Variants in ITGA6 observed in about 807,000 individuals in gnomAD.
The protein encoded by ITGA6 is integrin subunit alpha 6, also known as integrin alpha-6.
ITGA6 carries 63 observed loss-of-function variants against 133.6 expected under a neutral mutation model. The observed-to-expected ratio is 0.47, with a 90% CI of 0.38 to 0.58. The LOEUF is 0.58. Among genes scored for constraint, ITGA6 ranks in the 20% least tolerant of loss-of-function variants. The pLI is 0.00. For missense variants in ITGA6, 1,068 were observed against 1,309.4 expected (o/e 0.82, Z 2.85); for synonymous variants, 434 against 482.0 (o/e 0.90, Z 1.30).
intron 4 of ITGA6, among the ~76,000 whole-genome samples, chr2:172,469,630 G>C (rs1685833021): frequency 6.6e-6 from 1 of 152,060 alleles, no homozygotes; most frequent in African/African-American, 2.4e-5. Flanking sequence ...TTTTTAGCAG[G>C]AATATAATAA....
At chr2:172,463,044 C>A (rs1198439315) in intron 1 of ITGA6, among the ~76,000 whole-genome samples, 1 of 152,208 alleles carries the variant, frequency 6.6e-6, no homozygotes, top group Admixed American at 6.5e-5. Context: ...TCTGTACCAT[C>A]CTCTCATTGC....
intron 9 of ITGA6, among the ~76,000 whole-genome samples, chr2:172,476,777 A>T (rs1686193177): frequency 6.6e-6 from 1 of 152,220 alleles, no homozygotes. Context: ...TGATGAAAAA[A>T]ACAAAACACA....
chr2:172,498,207 C>G, intron 24 of ITGA6, 107 bp downstream of exon 24: 1 of 1,164,442 alleles, frequency 8.6e-7, no homozygotes, highest in Non-Finnish European at 1.3e-6. Context: ...TTCCTTTTTT[C>G]TAACATTATG....
chr2:172,499,703 A>C (rs182842334), intron 24 of ITGA6, among the ~76,000 whole-genome samples: 1 of 152,094 alleles, frequency 6.6e-6, no homozygotes, highest in Non-Finnish European at 1.5e-5. Context: ...TTGGGGTTTG[A>C]TATTTGAGGA....
chr2:172,457,755 C>CT (rs1685270645), intron 1 of ITGA6, among the ~76,000 whole-genome samples: 1 of 152,104 alleles, frequency 6.6e-6, no homozygotes, highest in Admixed American at 6.5e-5. Context: ...CCCCTTCAAA[C>CT]TGGGGGGGAA....
intron 1 of ITGA6, among the ~76,000 whole-genome samples, chr2:172,445,727 C>T (rs549894625): frequency 3.9e-5 from 6 of 152,008 alleles, no homozygotes; most frequent in Non-Finnish European, 7.4e-5. Context: ...TTTGTCTTCC[C>T]GGCCTCTAAA....
chr2:172,435,189 T>A (rs530912540), intron 1 of ITGA6, among the ~76,000 whole-genome samples: 33 of 152,246 alleles, frequency 2.2e-4, no homozygotes, highest in African/African-American at 7.7e-4. Context: ...ATGCTGCCAT[T>A]ATGATAAAGC....
Position 172,427,928 on chromosome 2 carries a change from C to T in ITGA6, c.140C>T (p.Ser47Leu), listed in dbSNP as rs1377038208. The change falls in exon 1 of 26, where the codon TCG (serine) becomes TTG (leucine). Residue 47 changes from serine to leucine, a missense_variant. Ser to Leu is a moderately radical substitution (Grantham distance 145). This residue lies in a region of ITGA6 where 142 missense variants were observed against 145.3 expected (regional missense o/e 0.98). Coordinates refer to ENST00000684293, the MANE Select transcript of ITGA6 (RefSeq NM_000210.4). ...YGDPGSLFGF[S>L]LAMHWQLQPE... The stretch of plus-strand genomic sequence containing the variant: ...GACCCCGGGAGCCTCTTCGGCTTCT[C>T]GCTGGCCATGCACTGGCAACTGCAG... 1 of 1,607,020 alleles carries T rather than the reference C, an allele frequency of 6.2e-7. No individual in the cohort carries two copies. The highest frequency in any genetic ancestry group is 2.3e-5 in the East Asian group (1 of 44,246).
At chr2:172,488,656 AATAAAC>A (rs1277987501) in intron 19 of ITGA6, among the ~76,000 whole-genome samples, 1 of 152,214 alleles carries the variant, frequency 6.6e-6, no homozygotes, top group Non-Finnish European at 1.5e-5. Flanking sequence ...TGTCCTGTTG[AATAAAC>A]ATAAACATAG....
At chr2:172,484,661 A>AT (rs1686587719) in intron 11 of ITGA6, 121 bp from the exon 12 acceptor site, 7 of 821,586 alleles carry the variant, frequency 8.5e-6, no homozygotes, top group Admixed American at 4.0e-5. Flanking sequence ...ACCAGGAAAT[A>AT]TGAAGAGAAA....
At chr2:172,432,889 A>G (rs1447269310) in intron 1 of ITGA6, among the ~76,000 whole-genome samples, 1 of 152,216 alleles carries the variant, frequency 6.6e-6, no homozygotes, top group African/African-American at 2.4e-5. Flanking sequence ...GGTCAAATGG[A>G]AGTGTGCAGT....
At chr2:172,457,110 A>G (rs1269431653) in intron 1 of ITGA6, among the ~76,000 whole-genome samples, 3 of 152,180 alleles carry the variant, frequency 2.0e-5, no homozygotes, top group East Asian at 3.8e-4. Flanking sequence ...CCTGGCCAAC[A>G]TGGTGAAACC....
chr2:172,480,250 G>A (rs898840238), intron 11 of ITGA6, among the ~76,000 whole-genome samples, 199 bp downstream of exon 11: 3 of 152,172 alleles, frequency 2.0e-5, no homozygotes, highest in Admixed American at 2.0e-4. Context: ...CCACTTGGTC[G>A]CCATTTGAGT....
intron 1 of ITGA6, among the ~76,000 whole-genome samples, chr2:172,434,040 C>T (rs1684216353): frequency 6.6e-6 from 1 of 152,174 alleles, no homozygotes; most frequent in African/African-American, 2.4e-5. Flanking sequence ...CCCCACACCT[C>T]CATCCCTAGG....
intron 13 of ITGA6, 83 bp from the exon 14 acceptor site, chr2:172,486,940 G>A: frequency 1.3e-6 from 1 of 767,218 alleles, no homozygotes; most frequent in Non-Finnish European, 2.4e-6. Flanking sequence ...GAAATGAACT[G>A]TGTGGAATAG....
At chr2:172,434,499 C>T (rs553721174) in intron 1 of ITGA6, among the ~76,000 whole-genome samples, 47 of 152,306 alleles carry the variant, frequency 3.1e-4, no homozygotes, top group Middle Eastern at 3.4e-3. Flanking sequence ...GCAGCAGACC[C>T]TCCCCAGTTC....
intron 9 of ITGA6, among the ~76,000 whole-genome samples, chr2:172,478,366 T>C (rs76821509): frequency 0.025 from 3,760 of 152,304 alleles, 156 homozygotes; most frequent in African/African-American, 0.085. Context: ...GTAGAAACAC[T>C]GTTCTCCAGA....
chr2:172,438,148 A>T (rs1379402504), intron 1 of ITGA6, among the ~76,000 whole-genome samples: 1 of 151,660 alleles, frequency 6.6e-6, no homozygotes, highest in Non-Finnish European at 1.5e-5. Context: ...CGTTTTGTTT[A>T]AGATGGGAGA....
chr2:172,457,724 T>TAACAGC (rs1559127690), intron 1 of ITGA6, among the ~76,000 whole-genome samples: 1 of 152,194 alleles, frequency 6.6e-6, no homozygotes, highest in Admixed American at 6.5e-5. Context: ...GACGTTGTGG[T>TAACAGC]AACAGCTGGG....
Sources: gnomAD v4.1 joint callset for allele counts (sites outside exome capture counted in the v4.1 genomes callset) on GRCh38, gnomAD v4.1.1 for gene constraint, gnomAD v4.1.1 regional missense constraint, MANE v1.5 for transcripts, NCBI Gene and HGNC (gene_info 2026-07-23, HGNC 2026-07-21) for gene names.